CDC42SE2: variants seen among roughly 807,000 people sequenced by gnomAD.
CDC42SE2 encodes CDC42 small effector 2.
A neutral mutation model predicts 11.5 loss-of-function variants in CDC42SE2; 3 were observed. The ratio of observed to expected loss-of-function variants is 0.26; its 90% CI spans 0.12 to 0.67. The LOEUF (loss-of-function observed/expected upper bound fraction) is 0.67. CDC42SE2 is among the 30% of genes least tolerant of loss of function. CDC42SE2 has a pLI of 0.80. For synonymous variants in CDC42SE2, 33 were observed against 34.8 expected (o/e 0.95, Z 0.18); for missense variants, 82 against 106.8 (o/e 0.77, Z 1.02).
chr5:131,248,392 C>G (rs1756613616), intron 1 of CDC42SE2, among the ~76,000 whole-genome samples: 1 of 152,148 alleles, frequency 6.6e-6, no homozygotes, highest in Admixed American at 6.5e-5. Flanking sequence ...CCCATCTGGC[C>G]TCCCAAAGTG....
intron 1 of CDC42SE2, among the ~76,000 whole-genome samples, chr5:131,308,579 A>G (rs994520192): frequency 3.9e-5 from 6 of 152,094 alleles, no homozygotes; most frequent in African/African-American, 1.2e-4. Context: ...ACCCATGAGC[A>G]TGGAGTGTTC....
At position 131,346,743 on chromosome 5, in the gene CDC42SE2, A is replaced by G. The variant is rs887794009; in HGVS notation, c.-285-12466A>G. Among the ~76,000 whole-genome samples the G allele has an allele frequency of 2.0e-5, 3 of 152,236 alleles. No homozygotes were observed. In the South Asian group the frequency reaches 6.2e-4, roughly 31 times the overall value. On this transcript the variant is annotated intron_variant, in intron 2 of 4. Coordinates refer to ENST00000505065, the MANE Select transcript of CDC42SE2 (RefSeq NM_001375635.1). ...TCACACTTACTCCAAAACTGACCAC[A>G]TAGTTGGAAGTAAAGCACTCCTCAG...
chr5:131,278,843 G>C (rs1170096659), intron 1 of CDC42SE2, among the ~76,000 whole-genome samples: 2 of 127,990 alleles, frequency 1.6e-5, no homozygotes, highest in Non-Finnish European at 1.6e-5. Context: ...AGAGTGCAGT[G>C]GCTTGGTCTT....
chr5:131,255,515 A>C (rs1423334317), intron 2 of CDC42SE2: 1 of 152,240 alleles, frequency 6.6e-6, no homozygotes, highest in Non-Finnish European at 1.5e-5. Context: ...CCGTAATCCC[A>C]GCACTTTGGG....
At chr5:131,295,598 G>C (rs1580737205) in intron 1 of CDC42SE2, among the ~76,000 whole-genome samples, 1 of 151,928 alleles carries the variant, frequency 6.6e-6, no homozygotes, top group East Asian at 1.9e-4. Context: ...AATCTTACTG[G>C]AAAAACATAG....
chr5:131,334,028 C>T (rs1373075647), intron 2 of CDC42SE2, among the ~76,000 whole-genome samples: 1 of 152,136 alleles, frequency 6.6e-6, no homozygotes, highest in African/African-American at 2.4e-5. Context: ...GAGAGGGCAT[C>T]CCTGTCTTGT....
intron 2 of CDC42SE2, among the ~76,000 whole-genome samples, chr5:131,334,226 T>C (rs558942047): frequency 1.1e-4 from 17 of 152,356 alleles, no homozygotes; most frequent in African/African-American, 3.6e-4. Context: ...GATAATCATG[T>C]GGTTTTTGTC....
At chr5:131,309,152 A>G (rs573316824) in intron 1 of CDC42SE2, among the ~76,000 whole-genome samples, 1 of 152,260 alleles carries the variant, frequency 6.6e-6, no homozygotes, top group Admixed American at 6.5e-5. Context: ...GTTTTTAGCA[A>G]GAAGTGTTAT....
At chr5:131,232,290 T>C in the CDC42SE2 span, among the ~76,000 whole-genome samples, 2 of 151,936 alleles carry the variant, frequency 1.3e-5, no homozygotes, top group Non-Finnish European at 2.9e-5. Context: ...ATTTTTGTGT[T>C]TTTTGTGGAG....
the CDC42SE2 span, among the ~76,000 whole-genome samples, chr5:131,239,889 C>T: frequency 6.6e-6 from 1 of 152,166 alleles, no homozygotes; most frequent in East Asian, 1.9e-4. Flanking sequence ...TTTTCTATTC[C>T]TCTTTCCTAG....
At chr5:131,357,118 C>A (rs1009825185) in intron 2 of CDC42SE2, among the ~76,000 whole-genome samples, 2 of 152,016 alleles carry the variant, frequency 1.3e-5, no homozygotes, top group African/African-American at 4.8e-5. Flanking sequence ...CAGTATTTAC[C>A]CAATTCATTG....
At chr5:131,309,103 C>G (rs1368697101) in intron 1 of CDC42SE2, among the ~76,000 whole-genome samples, 1 of 151,966 alleles carries the variant, frequency 6.6e-6, no homozygotes, top group Non-Finnish European at 1.5e-5. Context: ...AGCTCTTATT[C>G]TTTTGAAATA....
chr5:131,374,298 A>G (rs1306388590), intron 3 of CDC42SE2, among the ~76,000 whole-genome samples: 1 of 152,130 alleles, frequency 6.6e-6, no homozygotes, highest in African/African-American at 2.4e-5. Context: ...TAAGCAAACA[A>G]CTTTGGGAGG....
At chr5:131,347,975 G>C (rs1053837252) in intron 2 of CDC42SE2, among the ~76,000 whole-genome samples, 1 of 152,118 alleles carries the variant, frequency 6.6e-6, no homozygotes, top group East Asian at 1.9e-4. Context: ...TAACAAACTA[G>C]GTATTGATGG....
At chr5:131,287,576 C>T (rs1580732564) in intron 1 of CDC42SE2, among the ~76,000 whole-genome samples, 2 of 151,954 alleles carry the variant, frequency 1.3e-5, no homozygotes, top group East Asian at 1.9e-4. Context: ...GATTCTCCCA[C>T]CTCAGCCTCC....
intron 1 of CDC42SE2, among the ~76,000 whole-genome samples, chr5:131,313,124 A>G (rs1311887636): frequency 6.6e-6 from 1 of 151,942 alleles, no homozygotes; most frequent in Non-Finnish European, 1.5e-5. Context: ...CTGGGACTAC[A>G]GGTGCCTGCC....
At chr5:131,388,237 C>G (rs1209074336) in intron 4 of CDC42SE2, among the ~76,000 whole-genome samples, 1 of 152,076 alleles carries the variant, frequency 6.6e-6, no homozygotes, top group East Asian at 1.9e-4. Context: ...TCCGGTGATC[C>G]ACCCACCTCG....
At chr5:131,225,943 A>T in the CDC42SE2 span, among the ~76,000 whole-genome samples, 1 of 152,228 alleles carries the variant, frequency 6.6e-6, no homozygotes, top group Non-Finnish European at 1.5e-5. Flanking sequence ...AAATAGGATC[A>T]GGCCGAATTT....
chr5:131,371,212 A>T (rs889379265), intron 3 of CDC42SE2, among the ~76,000 whole-genome samples: 3 of 152,148 alleles, frequency 2.0e-5, no homozygotes, highest in Admixed American at 1.3e-4. Flanking sequence ...TGTGATGTAA[A>T]CAGATGGTAT....
Sources: gnomAD v4.1 joint callset for allele counts (sites outside exome capture counted in the v4.1 genomes callset) on GRCh38, gnomAD v4.1.1 for gene constraint, MANE v1.5 for transcripts, NCBI Gene and HGNC (gene_info 2026-07-23, HGNC 2026-07-21) for gene names.